PCDHA8: variants seen among roughly 807,000 people sequenced by gnomAD.
PCDHA8 encodes protocadherin alpha 8.
PCDHA8 carries 53 observed loss-of-function variants against 61.8 expected under a neutral mutation model. The observed-to-expected ratio is 0.86, with a 90% confidence interval of 0.69 to 1.08. The LOEUF (loss-of-function observed/expected upper bound fraction) is 1.08, where lower values mean the gene tolerates loss of function less well. PCDHA8 is among the 50% of genes least tolerant of loss of function. PCDHA8 has a pLI of 0.00. For synonymous variants in PCDHA8, 618 were observed against 556.6 expected (o/e 1.11, Z -1.55); for missense variants, 1,293 against 1,245.0 (o/e 1.04, Z -0.58).
chr5:140,944,929 C>T (rs1387660974), intron 1 of PCDHA8, among the ~76,000 whole-genome samples: 1 of 152,052 alleles, frequency 6.6e-6, no homozygotes, highest in Non-Finnish European at 1.5e-5. Flanking sequence ...TGGTTTATGC[C>T]TTCTTTAGAT....
chr5:140,885,041 T>C (rs2060440056), intron 1 of PCDHA8, among the ~76,000 whole-genome samples: 1 of 152,250 alleles, frequency 6.6e-6, no homozygotes, highest in Non-Finnish European at 1.5e-5. Flanking sequence ...ATTTTTAGTT[T>C]AATGTATACA....
At chr5:140,870,614 C>A (rs782305059) in intron 1 of PCDHA8, 1 of 1,613,212 alleles carries the variant, frequency 6.2e-7, no homozygotes, top group South Asian at 1.1e-5. Flanking sequence ...CGCGCGCTGT[C>A]GAGCTACGTG....
At chr5:140,941,852 T>G (rs1254913265) in intron 1 of PCDHA8, among the ~76,000 whole-genome samples, 2 of 152,236 alleles carry the variant, frequency 1.3e-5, no homozygotes, top group Non-Finnish European at 2.9e-5. Context: ...TTACCTGATA[T>G]TCCCTATCAT....
chr5:140,952,471 A>AAAGT (rs1205705150), intron 1 of PCDHA8, among the ~76,000 whole-genome samples: 2 of 152,204 alleles, frequency 1.3e-5, no homozygotes, highest in Non-Finnish European at 2.9e-5. Context: ...AAGCATAAGG[A>AAAGT]AAGTGACATT....
Position 140,856,558 on chromosome 5 carries a change from A to C in PCDHA8, c.2394+12843A>C, listed in dbSNP as rs372031038. ...GAGAGAACGCATTGCTTACTTACAAACTCAGTCCAAATGAGTATTTTGTTC... is the reference window on the plus strand; with the variant it reads ...GAGAGAACGCATTGCTTACTTACAACCTCAGTCCAAATGAGTATTTTGTTC... On this transcript the variant is annotated intron_variant, in intron 1 of 3. Coordinates refer to ENST00000531613, the MANE Select transcript of PCDHA8 (RefSeq NM_018911.3). The C allele has an allele frequency of 1.3e-5, 21 of 1,598,088 alleles. 2 individuals are homozygous for C. The East Asian group carries it at 1.8e-4, about 14-fold the overall frequency.
chr5:140,871,132 G>T, intron 1 of PCDHA8: 7 of 1,613,372 alleles, frequency 4.3e-6, no homozygotes, highest in Non-Finnish European at 5.9e-6. Context: ...GGCGCCAAAG[G>T]CCTCTTCCCG....
intron 1 of PCDHA8, chr5:140,884,511 G>A (rs1202323930): frequency 6.2e-7 from 1 of 1,614,192 alleles, no homozygotes; most frequent in Non-Finnish European, 8.5e-7. Flanking sequence ...GCAGGGAGTT[G>A]GTCGTACTCG....
intron 3 of PCDHA8, 34 bp from the exon 4 acceptor site, chr5:141,009,593 C>T (rs1219056557): frequency 6.2e-7 from 1 of 1,601,902 alleles, no homozygotes; most frequent in Non-Finnish European, 8.5e-7. Context: ...CATGTGTTGA[C>T]CCTGTTAATG....
chr5:140,850,319 A>C (rs2150479368), intron 1 of PCDHA8: 1 of 1,597,562 alleles, frequency 6.3e-7, no homozygotes, highest in East Asian at 2.2e-5. Flanking sequence ...CGTGGCTTTC[A>C]TACGAGCTGC....
chr5:140,877,649 C>T (rs369703340), intron 1 of PCDHA8: 4 of 1,613,556 alleles, frequency 2.5e-6, no homozygotes, highest in Middle Eastern at 1.7e-4. Context: ...TGCTCAGCGC[C>T]GCCCACCGTG....
rs2150365514 is a variant in PCDHA8 at position 140,843,720 on chromosome 5, G to C, written c.2394+5G>C. 5.1e-6 allele frequency: 8 copies of C among 1,565,554 alleles called. 1 individual carries two copies. The South Asian group carries it at 9.0e-5, about 18-fold the overall frequency. ...AATGTTGATCATGGCCTCAAAGTAA[G>C]TCCATTTAAATTTAGAACTCATAAA... is the stretch of plus-strand genomic sequence containing the variant. On this transcript the variant is annotated splice_donor_5th_base_variant and intron_variant, in intron 1 of 3. Coordinates refer to ENST00000531613, the MANE Select transcript of PCDHA8 (RefSeq NM_018911.3).
intron 1 of PCDHA8, chr5:140,877,349 T>C (rs1554169631): frequency 1.2e-6 from 2 of 1,613,984 alleles, no homozygotes; most frequent in Admixed American, 3.3e-5. Context: ...CACGTGGGGC[T>C]GTACACTGGC....
At chr5:140,896,501 T>G (rs1279439158) in intron 1 of PCDHA8, among the ~76,000 whole-genome samples, 4 of 152,048 alleles carry the variant, frequency 2.6e-5, no homozygotes, top group Non-Finnish European at 4.4e-5. Flanking sequence ...TAGCTGGGAC[T>G]GTGCAGGCAC....
chr5:140,851,068 AATT>A, intron 1 of PCDHA8: 1 of 1,354,280 alleles, frequency 7.4e-7, no homozygotes, highest in Non-Finnish European at 9.7e-7. Context: ...TTCTAGTGAG[AATT>A]ATAAACTGTA....
At chr5:140,901,128 A>G (rs1429296842) in intron 1 of PCDHA8, among the ~76,000 whole-genome samples, 3 of 152,114 alleles carry the variant, frequency 2.0e-5, no homozygotes, top group South Asian at 2.1e-4. Flanking sequence ...TTAGATGGGT[A>G]GATTGTAAAT....
intron 1 of PCDHA8, among the ~76,000 whole-genome samples, chr5:140,937,827 G>A (rs1328688983): frequency 2.6e-5 from 4 of 151,564 alleles, no homozygotes; most frequent in Non-Finnish European, 5.9e-5. Context: ...CAGGAGAATG[G>A]CATGAACCTG....
At chr5:140,893,318 T>C (rs1329749503) in intron 1 of PCDHA8, among the ~76,000 whole-genome samples, 2 of 152,170 alleles carry the variant, frequency 1.3e-5, no homozygotes, top group African/African-American at 2.4e-5. Context: ...TTTGAGGGAC[T>C]CCCATACTGT....
chr5:140,938,945 T>C (rs1390189208), intron 1 of PCDHA8, among the ~76,000 whole-genome samples: 8 of 152,154 alleles, frequency 5.3e-5, no homozygotes, highest in African/African-American at 1.9e-4. Flanking sequence ...TCCATTCTTA[T>C]AATGCTCTAG....
At position 140,960,310 on chromosome 5, in the gene PCDHA8, C is replaced by A. The variant is rs143765051; in HGVS notation, c.2395-18639C>A. Among the ~76,000 whole-genome samples, 659 of 152,264 alleles carry A rather than the reference C, an allele frequency of 4.3e-3. 9 individuals are homozygous for A. Among genetic ancestry groups the A allele is most frequent in the Admixed American group, 4.1e-3 (63 of 15,288 alleles). ...CCAGTTTCTTCATCAATACCAACCTCATTAGGGTCCTGTGAGAAGTACATG... is the reference window on the plus strand; with the variant it reads ...CCAGTTTCTTCATCAATACCAACCTAATTAGGGTCCTGTGAGAAGTACATG... On this transcript the variant is annotated intron_variant, in intron 1 of 3. Transcript: ENST00000531613.
Sources: allele counts gnomAD v4.1 joint callset (sites outside exome capture counted in the v4.1 genomes callset), GRCh38; gene constraint gnomAD v4.1.1; transcripts MANE v1.5; gene names NCBI Gene and HGNC (gene_info 2026-07-23, HGNC 2026-07-21).